Variants in SLC25A48 observed in about 807,000 individuals in gnomAD.
The protein encoded by SLC25A48 is solute carrier family 25 member 48.
In SLC25A48, 29 loss-of-function variants were observed where a neutral mutation model predicts 32.2. The observed-to-expected ratio is 0.90, with a 90% CI of 0.67 to 1.23. The LOEUF (loss-of-function observed/expected upper bound fraction) is 1.23, where lower values mean the gene tolerates loss of function less well. SLC25A48 is among the 50% of genes most tolerant of loss of function. The probability of loss-of-function intolerance (pLI) is 0.00; values close to 1 mark genes in which losing one functional copy is unlikely to be tolerated. For missense variants in SLC25A48, 399 were observed against 422.7 expected, an observed-to-expected ratio of 0.94 and a Z score of 0.49; for synonymous variants, 164 against 172.3, an observed-to-expected ratio of 0.95 and a Z score of 0.38.
At position 135,605,174 on chromosome 5, in the gene SLC25A48, T is replaced by A. The variant is rs557896728; in HGVS notation, c.-848-24063T>A. ...ATGTTATGGAATTTTGGATAATTTT[T>A]ATTTATTTATAACATTCTCTATTTT... On this transcript the variant is annotated intron_variant, in intron 1 of 10. Transcript: ENST00000646290. 2.1e-3 allele frequency among the ~76,000 whole-genome samples: 325 copies of A among 152,394 alleles called. 1 individual carries two copies. Among genetic ancestry groups the A allele is most frequent in the African/African-American group, 7.5e-3 (314 of 41,590 alleles).
At chr5:135,834,418 A>G (rs62364732), upstream of SLC25A48, among the ~76,000 whole-genome samples, 928 of 152,344 alleles carry the variant, frequency 6.1e-3, 4 homozygotes, top group South Asian at 0.014. Context: ...TCAGCACAGC[A>G]CAGTACAGGG....
intron 4 of SLC25A48, among the ~76,000 whole-genome samples, chr5:135,821,462 G>A (rs1186821486): frequency 6.6e-6 from 1 of 152,152 alleles, no homozygotes; most frequent in Admixed American, 6.5e-5. Context: ...CAGTTCCCTG[G>A]ACTTGGGGGA....
At chr5:135,741,803 A>G (rs995391422) in intron 3 of SLC25A48, among the ~76,000 whole-genome samples, 11 of 152,196 alleles carry the variant, frequency 7.2e-5, no homozygotes, top group African/African-American at 2.7e-4. Flanking sequence ...AAATCAGGAG[A>G]TGGGCTGGAT....
intron 3 of SLC25A48, among the ~76,000 whole-genome samples, chr5:135,679,345 T>A (rs1264321036): frequency 1.3e-5 from 2 of 152,150 alleles, no homozygotes; most frequent in Non-Finnish European, 2.9e-5. Flanking sequence ...GTCTGGGCAC[T>A]GCGAGGGCCG....
At chr5:135,794,334 T>C (rs1757111068) in intron 3 of SLC25A48, among the ~76,000 whole-genome samples, 1 of 151,680 alleles carries the variant, frequency 6.6e-6, no homozygotes, top group Admixed American at 6.6e-5. Context: ...AGTATTACTC[T>C]CAATATCACA....
At chr5:135,672,778 C>A (rs1441518630) in intron 3 of SLC25A48, among the ~76,000 whole-genome samples, 1 of 152,146 alleles carries the variant, frequency 6.6e-6, no homozygotes, top group African/African-American at 2.4e-5. Flanking sequence ...TGAGTTTAGA[C>A]AAATGTATAT....
At chr5:135,791,076 G>T (rs1757018286) in intron 3 of SLC25A48, among the ~76,000 whole-genome samples, 1 of 151,838 alleles carries the variant, frequency 6.6e-6, no homozygotes, top group South Asian at 2.1e-4. Flanking sequence ...ATTTTAGGGA[G>T]ATTTTACTTC....
chr5:135,703,750 T>C (rs1754444712), intron 3 of SLC25A48, among the ~76,000 whole-genome samples: 1 of 152,214 alleles, frequency 6.6e-6, no homozygotes, highest in African/African-American at 2.4e-5. Context: ...GACCGTGGGC[T>C]CTGTGAGGAC....
chr5:135,844,632 C>G (rs1759266335), intron 2 of SLC25A48, among the ~76,000 whole-genome samples: 1 of 152,168 alleles, frequency 6.6e-6, no homozygotes, highest in Non-Finnish European at 1.5e-5. Context: ...TTTCTGGTAC[C>G]TAGCAGGGAT....
intron 4 of SLC25A48, among the ~76,000 whole-genome samples, chr5:135,828,110 C>T (rs147192323): frequency 1.2e-3 from 182 of 152,314 alleles, no homozygotes; most frequent in African/African-American, 4.0e-3. Context: ...TGAAGAGACC[C>T]GCCAGAGGTT....
chr5:135,783,841 G>A (rs1229243346), intron 3 of SLC25A48, among the ~76,000 whole-genome samples: 1 of 117,980 alleles, frequency 8.5e-6, no homozygotes, highest in African/African-American at 2.6e-5. Flanking sequence ...TTCCAATATC[G>A]CTGGGAGCGA....
At chr5:135,659,092 A>G (rs2126932927) in intron 3 of SLC25A48, among the ~76,000 whole-genome samples, 1 of 152,328 alleles carries the variant, frequency 6.6e-6, no homozygotes, top group Non-Finnish European at 1.5e-5. Context: ...TCTTTTCTAC[A>G]ACATGGTCGA....
At chr5:135,646,136 A>G (rs573907694) in intron 3 of SLC25A48, among the ~76,000 whole-genome samples, 2 of 152,340 alleles carry the variant, frequency 1.3e-5, no homozygotes, top group Admixed American at 6.5e-5. Context: ...ATTACGTTCC[A>G]AGGCCCTAGG....
intron 7 of SLC25A48, among the ~76,000 whole-genome samples, chr5:135,885,297 G>A (rs1002550674): frequency 3.3e-5 from 5 of 152,098 alleles, no homozygotes; most frequent in African/African-American, 1.2e-4. Context: ...GCATTTAAAT[G>A]TTGCTGAAAG....
rs550099194 is a variant in SLC25A48 at position 135,745,582 on chromosome 5, C to T, written c.-520-66941C>T. ...TGGTGGGAAGAAAAAAAAAGATTCT[C>T]CCCCTGCCTCCTGCTTTTTAAGGTC... is the stretch of plus-strand genomic sequence containing the variant. On this transcript the variant is annotated intron_variant, in intron 3 of 10. Transcript: ENST00000646290. 3.9e-5 allele frequency among the ~76,000 whole-genome samples: 6 copies of T among 152,312 alleles called. No homozygotes were observed. In the East Asian group the frequency reaches 9.6e-4, roughly 24 times the overall value.
chr5:135,602,608 TTC>T (rs1491323358), intron 1 of SLC25A48, among the ~76,000 whole-genome samples: 4 of 149,206 alleles, frequency 2.7e-5, no homozygotes, highest in African/African-American at 1.0e-4. Flanking sequence ...CTTTTTTTTT[TTC>T]TTTCTTTTTT....
At chr5:135,688,420 C>A (rs1236895680) in intron 3 of SLC25A48, among the ~76,000 whole-genome samples, 1 of 152,080 alleles carries the variant, frequency 6.6e-6, no homozygotes, top group African/African-American at 2.4e-5. Context: ...GACTTAGGAT[C>A]CAAAGTGCTC....
At chr5:135,790,879 T>C (rs1036729221) in intron 3 of SLC25A48, among the ~76,000 whole-genome samples, 2 of 151,898 alleles carry the variant, frequency 1.3e-5, no homozygotes, top group African/African-American at 4.8e-5. Flanking sequence ...ATTCGTAATA[T>C]CCTAGGGGGA....
At chr5:135,840,717 G>C (rs1025027180) in intron 1 of SLC25A48, among the ~76,000 whole-genome samples, 1 of 152,304 alleles carries the variant, frequency 6.6e-6, no homozygotes, top group East Asian at 1.9e-4. Context: ...TTTTGGAGGT[G>C]CATCTATGCT....
Sources: gnomAD v4.1 joint callset for allele counts (sites outside exome capture counted in the v4.1 genomes callset) on GRCh38, gnomAD v4.1.1 for gene constraint, MANE v1.5 for transcripts, NCBI Gene and HGNC (gene_info 2026-07-23, HGNC 2026-07-21) for gene names.